The following CNTN3 variants were observed in gnomAD, a reference collection of about 807,000 sequenced individuals.
CNTN3 encodes the protein contactin-3.
A neutral mutation model predicts 119.1 loss-of-function variants in CNTN3; 60 were observed. That is an observed-to-expected ratio of 0.50 (90% CI 0.41 to 0.62). The LOEUF is 0.62. Ranked by LOEUF, CNTN3 falls within the 20% of genes least tolerant of loss-of-function variation. The probability of loss-of-function intolerance (pLI) is 0.00; values close to 1 mark genes in which losing one functional copy is unlikely to be tolerated. For synonymous variants in CNTN3, 450 were observed against 438.7 expected (o/e 1.03, Z -0.32); for missense variants, 1,101 against 1,242.4 (o/e 0.89, Z 1.71).
chr3:74,340,524 G>A (rs988089482), intron 11 of CNTN3, among the ~76,000 whole-genome samples: 2 of 151,938 alleles, frequency 1.3e-5, no homozygotes, highest in African/African-American at 4.8e-5. Context: ...TAAAATTTTG[G>A]GGCCATGACA....
chr3:74,409,558 C>T (rs565592723), intron 5 of CNTN3, among the ~76,000 whole-genome samples: 2 of 151,548 alleles, frequency 1.3e-5, no homozygotes, highest in Non-Finnish European at 2.9e-5. Flanking sequence ...TTGGTTGTTC[C>T]ATACTATTAC....
At chr3:74,312,452 T>A (rs1184107049) in intron 13 of CNTN3, among the ~76,000 whole-genome samples, 1 of 61,598 alleles carries the variant, frequency 1.6e-5, no homozygotes, top group Admixed American at 2.5e-4. Context: ...TGAGACTCCA[T>A]CTCAAAAAAA....
intron 4 of CNTN3, among the ~76,000 whole-genome samples, chr3:74,450,046 T>G (rs902247696): frequency 6.6e-6 from 1 of 152,120 alleles, no homozygotes; most frequent in Non-Finnish European, 1.5e-5. Flanking sequence ...ATCCTCCCAA[T>G]AGCCCTTACC....
chr3:74,410,796 G>A (rs1440079310), intron 5 of CNTN3, among the ~76,000 whole-genome samples: 2 of 152,092 alleles, frequency 1.3e-5, no homozygotes, highest in South Asian at 2.1e-4. Flanking sequence ...GTTATTACTA[G>A]AACAGATGCA....
chr3:74,349,015 A>G (rs1356532020), intron 11 of CNTN3, among the ~76,000 whole-genome samples: 1 of 151,928 alleles, frequency 6.6e-6, no homozygotes, highest in African/African-American at 2.4e-5. Context: ...GAGCCTAGGA[A>G]TTGGAGACTG....
At chr3:74,515,955 A>G (rs1703443152) in intron 2 of CNTN3, among the ~76,000 whole-genome samples, 1 of 151,850 alleles carries the variant, frequency 6.6e-6, no homozygotes, top group Non-Finnish European at 1.5e-5. Context: ...GCACACACAC[A>G]TCTATCTCCC....
At chr3:74,514,223 T>A (rs996473954) in intron 2 of CNTN3, among the ~76,000 whole-genome samples, 1 of 152,160 alleles carries the variant, frequency 6.6e-6, no homozygotes, top group African/African-American at 2.4e-5. Flanking sequence ...ATGGTAGTGA[T>A]AATATGCTCC....
chr3:74,342,185 A>C (rs2106726789), intron 11 of CNTN3, among the ~76,000 whole-genome samples: 1 of 152,296 alleles, frequency 6.6e-6, no homozygotes, highest in African/African-American at 2.4e-5. Context: ...AACATGAGAG[A>C]AAAAGACCAT....
At chr3:74,324,564 T>C (rs1362383206) in intron 13 of CNTN3, among the ~76,000 whole-genome samples, 1 of 152,208 alleles carries the variant, frequency 6.6e-6, no homozygotes, top group African/African-American at 2.4e-5. Flanking sequence ...CACAGCAAAA[T>C]CTGCCAGAAG....
At chr3:74,582,392 C>A (rs1301120713) in intron 1 of CNTN3, among the ~76,000 whole-genome samples, 1 of 112,958 alleles carries the variant, frequency 8.9e-6, no homozygotes, top group South Asian at 3.4e-4. Flanking sequence ...GGCGACAGAG[C>A]GAGACTCCGT....
At chr3:74,322,884 C>A (rs1166112630) in intron 13 of CNTN3, among the ~76,000 whole-genome samples, 1 of 152,016 alleles carries the variant, frequency 6.6e-6, no homozygotes, top group Non-Finnish European at 1.5e-5. Flanking sequence ...GTGAAAGAGG[C>A]CCATTTGAAA....
chr3:74,354,567 C>T (rs968423513), intron 11 of CNTN3, among the ~76,000 whole-genome samples: 1 of 151,836 alleles, frequency 6.6e-6, no homozygotes. Context: ...AATGAAATAG[C>T]ACAAAAACAT....
intron 9 of CNTN3, among the ~76,000 whole-genome samples, chr3:74,365,048 C>G (rs1438486358): frequency 1.3e-5 from 2 of 151,908 alleles, no homozygotes; most frequent in African/African-American, 4.8e-5. Context: ...ATATATTTAC[C>G]AGAGTTTCTA....
At chr3:74,341,895 G>A (rs1181686864) in intron 11 of CNTN3, among the ~76,000 whole-genome samples, 2 of 151,980 alleles carry the variant, frequency 1.3e-5, no homozygotes, top group Non-Finnish European at 2.9e-5. Flanking sequence ...TGATCATTAC[G>A]GTAATTTATT....
chr3:74,513,464 C>T (rs541749700), intron 2 of CNTN3, among the ~76,000 whole-genome samples: 1 of 152,222 alleles, frequency 6.6e-6, no homozygotes, highest in Admixed American at 6.5e-5. Context: ...TGGCAGCCTA[C>T]ATATTCCACT....
intron 11 of CNTN3, among the ~76,000 whole-genome samples, chr3:74,353,504 C>T (rs1259469082): frequency 6.6e-6 from 1 of 152,210 alleles, no homozygotes; most frequent in Non-Finnish European, 1.5e-5. Context: ...CGCCTGTAAT[C>T]CCAGCACTTT....
rs371042600 is a variant in CNTN3 at position 74,367,486 on chromosome 3, C to A, written c.946+1703G>T. On this transcript the variant is annotated intron_variant, in intron 8 of 22. Transcript: ENST00000263665. ...AGCACTTAATTGTCTAATCTAATTT[C>A]TCCTTGCCACTGATTGGTTTAGGAA... Among the ~76,000 whole-genome samples the A allele has an allele frequency of 4.6e-5, 7 of 151,966 alleles. No homozygotes were observed. In the East Asian group the frequency reaches 9.7e-4, roughly 21 times the overall value.
intron 4 of CNTN3, among the ~76,000 whole-genome samples, chr3:74,427,564 C>G (rs1701716004): frequency 6.6e-6 from 1 of 152,048 alleles, no homozygotes; most frequent in South Asian, 2.1e-4. Flanking sequence ...GTAAGTCAAG[C>G]TATATATAGT....
chr3:74,435,510 C>T (rs781782450), intron 4 of CNTN3, among the ~76,000 whole-genome samples: 6 of 152,136 alleles, frequency 3.9e-5, no homozygotes, highest in Non-Finnish European at 7.4e-5. Context: ...TCAGCTGTCA[C>T]ATATGAGGCA....
Sources: allele counts gnomAD v4.1 joint callset (sites outside exome capture counted in the v4.1 genomes callset), GRCh38; gene constraint gnomAD v4.1.1; transcripts MANE v1.5; gene names NCBI Gene and HGNC (gene_info 2026-07-23, HGNC 2026-07-21).